The following IL7 variants were observed in gnomAD, a reference collection of about 807,000 sequenced individuals.
IL7 encodes interleukin-7.
Under a neutral mutation model 21.6 loss-of-function variants are expected in IL7, and 3 were observed. That is an observed-to-expected ratio of 0.14 (90% CI 0.06 to 0.36). The LOEUF (loss-of-function observed/expected upper bound fraction) is 0.36. IL7 is among the 10% of genes least tolerant of loss of function. The pLI, the probability that IL7 is intolerant of heterozygous loss-of-function variation, is 1.00. For synonymous variants in IL7, 62 were observed against 68.1 expected, an observed-to-expected ratio of 0.91 and a Z score of 0.44; for missense variants, 175 against 200.2, an observed-to-expected ratio of 0.87 and a Z score of 0.76.
rs372277911 is a variant in IL7 at position 78,696,444 on chromosome 8, C to T, written n.215-10497G>A. Among the ~76,000 whole-genome samples the T allele has an allele frequency of 2.6e-3, 403 of 152,302 alleles. 3 individuals are homozygous for T. Among genetic ancestry groups the T allele is most frequent in the Admixed American group, 6.6e-3 (101 of 15,296 alleles). On this transcript the variant is annotated intron_variant and non_coding_transcript_variant, in intron 3 of 4. Transcript: ENST00000523959. ...GGTTGAAGCATTGGGCTAGAACCAG[C>T]ATGAGTCTAAATTCCTGCTCTGCTG...
intron 5 of IL7, among the ~76,000 whole-genome samples, chr8:78,735,941 C>A (rs577574506): frequency 6.6e-6 from 1 of 151,568 alleles, no homozygotes; most frequent in Non-Finnish European, 1.5e-5. Flanking sequence ...CTTATTAAGT[C>A]ATTCATAAAT....
chr8:78,791,398 G>A (rs1186509239), intron 2 of IL7, among the ~76,000 whole-genome samples: 2 of 152,152 alleles, frequency 1.3e-5, no homozygotes, highest in East Asian at 1.9e-4. Context: ...CCAGCACTTC[G>A]AGAGGCTGAA....
intron 3 of IL7, among the ~76,000 whole-genome samples, chr8:78,710,041 CTT>C (rs1229506096): frequency 1.3e-5 from 2 of 152,132 alleles, no homozygotes; most frequent in African/African-American, 2.4e-5. Flanking sequence ...CAGTAAATGA[CTT>C]TTCCTATGTT....
chr8:78,688,945 C>A (rs1332168990), intron 3 of IL7, among the ~76,000 whole-genome samples: 1 of 151,648 alleles, frequency 6.6e-6, no homozygotes, highest in Non-Finnish European at 1.5e-5. Flanking sequence ...TCTGCTTACT[C>A]TTTTGTACTA....
At chr8:78,750,494 G>C (rs1812130222) in intron 2 of IL7, among the ~76,000 whole-genome samples, 1 of 152,152 alleles carries the variant, frequency 6.6e-6, no homozygotes. Flanking sequence ...CTATGGCCAT[G>C]AGGTTGGAAT....
chr8:78,720,620 G>C (rs12679718), intron 5 of IL7, among the ~76,000 whole-genome samples: 2,040 of 151,692 alleles, frequency 0.013, 25 homozygotes, highest in South Asian at 0.031. Context: ...GATTTATAAG[G>C]GTAGTTTTCT....
intron 3 of IL7, among the ~76,000 whole-genome samples, chr8:78,688,095 C>G (rs1214771920): frequency 6.6e-6 from 1 of 151,196 alleles, no homozygotes; most frequent in Non-Finnish European, 1.5e-5. Flanking sequence ...TTGCGAAACC[C>G]TGTTCTAGAG....
In IL7 at chr8:78,694,665, T is replaced by C. The variant is rs145601009; in HGVS notation, n.215-8718A>G. Among the ~76,000 whole-genome samples the C allele has an allele frequency of 2.0e-4, 31 of 152,306 alleles. No individual in the cohort carries two copies. In the East Asian group the frequency reaches 4.4e-3, roughly 22 times the overall value. On this transcript the variant is annotated intron_variant and non_coding_transcript_variant, in intron 3 of 4. Transcript: ENST00000523959. ...GCATTTTTAGTTGTTAATTGAAAGGTTGGTCTAAATAGTAAGTTCTACCAT... is the reference window on the plus strand; with the variant it reads ...GCATTTTTAGTTGTTAATTGAAAGGCTGGTCTAAATAGTAAGTTCTACCAT...
At chr8:78,762,528 G>C in intron 2 of IL7, 5 of 773,274 alleles carry the variant, frequency 6.5e-6, no homozygotes, top group Non-Finnish European at 8.9e-6. Context: ...CAGGCCGGCC[G>C]GCCGGCTCGG....
At chr8:78,725,866 A>G (rs1471134726) in intron 3 of IL7, among the ~76,000 whole-genome samples, 1 of 152,044 alleles carries the variant, frequency 6.6e-6, no homozygotes, top group Non-Finnish European at 1.5e-5. Context: ...TTATTACATA[A>G]TGTTAGATAT....
At chr8:78,694,278 T>C (rs1473195012) in intron 3 of IL7, among the ~76,000 whole-genome samples, 1 of 105,842 alleles carries the variant, frequency 9.4e-6, no homozygotes, top group African/African-American at 3.0e-5. Context: ...TGTATGGATA[T>C]GTTCCTTGTT....
chr8:78,726,753 C>T (rs1477684497), intron 3 of IL7, among the ~76,000 whole-genome samples: 1 of 151,940 alleles, frequency 6.6e-6, no homozygotes, highest in African/African-American at 2.4e-5. Context: ...TAGTGCACTC[C>T]AGTCCCCTAA....
chr8:78,758,323 G>T (rs1228601720), intron 2 of IL7, among the ~76,000 whole-genome samples: 2 of 152,066 alleles, frequency 1.3e-5, no homozygotes. Context: ...TTTTCTGAAT[G>T]TTCTGTATAT....
At chr8:78,775,496 T>C (rs990882394) in intron 2 of IL7, among the ~76,000 whole-genome samples, 1 of 152,134 alleles carries the variant, frequency 6.6e-6, no homozygotes, top group Non-Finnish European at 1.5e-5. Flanking sequence ...ATTTCTGACA[T>C]TGAATAGTTT....
At chr8:78,754,301 G>A (rs955995505) in intron 2 of IL7, among the ~76,000 whole-genome samples, 1 of 152,020 alleles carries the variant, frequency 6.6e-6, no homozygotes. Context: ...TTGCTACAAA[G>A]AGAATAAAAT....
At chr8:78,689,289 C>T (rs746953463) in intron 3 of IL7, 1 of 1,601,468 alleles carries the variant, frequency 6.2e-7, no homozygotes. Flanking sequence ...ATATAAATTT[C>T]TGTAAAGAAC....
At chr8:78,710,629 T>C (rs1421587078) in intron 3 of IL7, among the ~76,000 whole-genome samples, 2 of 152,100 alleles carry the variant, frequency 1.3e-5, no homozygotes, top group Admixed American at 6.5e-5. Flanking sequence ...TCCAGAATCA[T>C]GTAAGATAAC....
chr8:78,711,377 T>C (rs755173454), intron 3 of IL7, among the ~76,000 whole-genome samples: 2 of 152,064 alleles, frequency 1.3e-5, no homozygotes, highest in Non-Finnish European at 2.9e-5. Flanking sequence ...AAAATGTGTG[T>C]GTGTATATAT....
intron 2 of IL7, chr8:78,760,425 G>C: frequency 6.3e-7 from 1 of 1,593,894 alleles, no homozygotes; most frequent in Non-Finnish European, 8.5e-7. Context: ...ATGTCAGGCA[G>C]TTGGAGGGCT....
Sources: allele counts gnomAD v4.1 joint callset (sites outside exome capture counted in the v4.1 genomes callset), GRCh38; gene constraint gnomAD v4.1.1; transcripts MANE v1.5; gene names NCBI Gene and HGNC (gene_info 2026-07-23, HGNC 2026-07-21).